The following NTAN1 variants were observed in gnomAD, a reference collection of about 807,000 sequenced individuals.
The protein encoded by NTAN1 is N-terminal asparagine amidase, also known as protein N-terminal asparagine amidohydrolase.
NTAN1 carries 32 observed loss-of-function variants against 41.9 expected under a neutral mutation model. That is an observed-to-expected ratio of 0.76 (90% CI 0.58 to 1.03). NTAN1 has a LOEUF of 1.03. Among genes scored for constraint, NTAN1 ranks in the 50% least tolerant of loss-of-function variants. The pLI is 0.00. For missense variants in NTAN1, 377 were observed against 377.5 expected (o/e 1.00, Z 0.01); for synonymous variants, 140 against 139.5 (o/e 1.00, Z -0.03).
At chr16:15,048,378 T>C (rs1008988099) in intron 1 of NTAN1, among the ~76,000 whole-genome samples, 2 of 152,120 alleles carry the variant, frequency 1.3e-5, no homozygotes, top group Non-Finnish European at 2.9e-5. Flanking sequence ...TATTATAGTT[T>C]TTTGTTTGTT....
chr16:15,042,185 C>CTTT (rs34790085), intron 5 of NTAN1, among the ~76,000 whole-genome samples: 2 of 135,576 alleles, frequency 1.5e-5, no homozygotes, highest in African/African-American at 2.7e-5. Flanking sequence ...AATTTTATAT[C>CTTT]TTTTTTTTTT....
At chr16:15,041,417 G>A (rs1453476531) in intron 6 of NTAN1, among the ~76,000 whole-genome samples, 1 of 152,086 alleles carries the variant, frequency 6.6e-6, no homozygotes, top group East Asian at 1.9e-4. Flanking sequence ...CCTGGTAGAC[G>A]AGGGGGCTGC....
At chr16:15,047,182 C>T (rs1418454007) in intron 4 of NTAN1, 11 of 506,688 alleles carry the variant, frequency 2.2e-5, no homozygotes, top group African/African-American at 7.7e-5. Flanking sequence ...GCAACCTCGA[C>T]GTTCCTGAGA....
At chr16:15,044,496 T>A (rs1299650039) in intron 4 of NTAN1, 89 bp from the exon 5 acceptor site, 1 of 858,456 alleles carries the variant, frequency 1.2e-6, no homozygotes, top group East Asian at 2.5e-5. Flanking sequence ...TCAGTTTCCA[T>A]GAACACTTGC....
At position 15,048,006 on chromosome 16, in the gene NTAN1, G is replaced by C; in HGVS notation, c.175C>G (p.Pro59Ala). ...CTGCTTCCTAACCTACCATCCTTTG[G>C]GGAGGTCACTGCAAGCTCTCTTTGC... ...VQQRELAVTS[P>A]KDGSISILGS... is the part of the protein sequence containing the mutation. Residue 59 changes from proline to alanine, a missense_variant, in exon 2 of 10, where the codon CCA becomes GCA. Pro to Ala is a conservative substitution (Grantham distance 27). Transcript: ENST00000287706. 6.2e-7 allele frequency: 1 copy of C among 1,611,202 alleles called. No homozygotes were observed. The highest frequency in any genetic ancestry group is 8.5e-7 in the Non-Finnish European group (1 of 1,177,344).
chr16:15,049,316 AC>A (rs1273103938), intron 1 of NTAN1, among the ~76,000 whole-genome samples: 1 of 152,012 alleles, frequency 6.6e-6, no homozygotes, highest in African/African-American at 2.4e-5. Context: ...TGCATAAGCC[AC>A]CATACCTGGC....
At chr16:15,046,801 C>T (rs531854180) in intron 4 of NTAN1, among the ~76,000 whole-genome samples, 64 of 150,428 alleles carry the variant, frequency 4.3e-4, no homozygotes, top group African/African-American at 1.5e-3. Context: ...CCTGAGTCCA[C>T]AAAGTCAAGG....
intron 4 of NTAN1, chr16:15,045,677 G>A (rs1304860762): frequency 6.6e-6 from 1 of 152,276 alleles, no homozygotes; most frequent in Non-Finnish European, 1.5e-5. Context: ...GAGTCACACT[G>A]CGCATTGCAC....
chr16:15,049,434 A>ATTTT (rs35440863), intron 1 of NTAN1, among the ~76,000 whole-genome samples: 2 of 146,334 alleles, frequency 1.4e-5, no homozygotes, highest in Admixed American at 6.7e-5. Flanking sequence ...CTTTTATCTT[A>ATTTT]TTTTTTTTTT....
intron 4 of NTAN1, among the ~76,000 whole-genome samples, chr16:15,047,011 A>C (rs1024182612): frequency 1.2e-4 from 18 of 152,074 alleles, no homozygotes; most frequent in African/African-American, 4.3e-4. Flanking sequence ...TCGGCTTCGG[A>C]ATACAAACAC....
At chr16:15,050,597 T>C (rs1419530261) in intron 1 of NTAN1, among the ~76,000 whole-genome samples, 1 of 152,018 alleles carries the variant, frequency 6.6e-6, no homozygotes, top group East Asian at 1.9e-4. Flanking sequence ...CTGGGTGTGG[T>C]GGCATGTGCC....
chr16:15,044,284 G>T, intron 5 of NTAN1, 50 bp downstream of exon 5: 1 of 1,252,604 alleles, frequency 8.0e-7, no homozygotes, highest in South Asian at 1.2e-5. Context: ...AGCAAATATG[G>T]GTACATATTT....
intron 1 of NTAN1, among the ~76,000 whole-genome samples, chr16:15,049,223 C>T (rs1180772994): frequency 6.6e-6 from 1 of 152,098 alleles, no homozygotes; most frequent in Non-Finnish European, 1.5e-5. Context: ...GAGATGGGGC[C>T]TCCCTATGCT....
At chr16:15,039,282 TA>T in intron 8 of NTAN1, among the ~76,000 whole-genome samples, 1 of 152,316 alleles carries the variant, frequency 6.6e-6, no homozygotes, top group Non-Finnish European at 1.5e-5. Flanking sequence ...TGAGAAGTCC[TA>T]AAAATGTTAA....
chr16:15,046,098 T>C (rs905934578), intron 4 of NTAN1: 3 of 152,264 alleles, frequency 2.0e-5, no homozygotes, highest in Non-Finnish European at 4.4e-5. Context: ...TGGCATTGAT[T>C]ACGTCCCCCT....
At chr16:15,038,797 C>G in intron 8 of NTAN1, 110 bp from the exon 9 acceptor site, 1 of 623,552 alleles carries the variant, frequency 1.6e-6, no homozygotes. Context: ...TCTGCCTAAG[C>G]TTCTTAAAAC....
intron 1 of NTAN1, among the ~76,000 whole-genome samples, chr16:15,052,067 A>G (rs2044314991): frequency 6.6e-6 from 1 of 151,968 alleles, no homozygotes; most frequent in Non-Finnish European, 1.5e-5. Flanking sequence ...GTTCCTATTC[A>G]ATGGCAGTAT....
chr16:15,056,013 C>A lies in NTAN1; in HGVS notation c.-42G>T. On this transcript the variant is annotated 5_prime_UTR_variant, in exon 1 of 10. Coordinates refer to ENST00000287706, the MANE Select transcript of NTAN1 (RefSeq NM_173474.4). The stretch of plus-strand genomic sequence containing the variant: ...CAGGCAGGCCCAGGGAGGCGGCGGC[C>A]CCCCGCTTTGCAGCCCCGGGCCGCC... 8 of 1,099,976 alleles carry A rather than the reference C, an allele frequency of 7.3e-6. No individual in the cohort carries two copies. Among genetic ancestry groups the A allele is most frequent in the African/African-American group, 1.6e-5 (1 of 60,802 alleles). 68.1% of individuals were successfully genotyped at this position (1,099,976 alleles called of 1,614,324 possible). A position where few individuals can be genotyped will look rare whatever the true frequency, so the allele number is the denominator to read the frequency against.
chr16:15,043,107 T>C (rs1233599276), intron 5 of NTAN1, among the ~76,000 whole-genome samples: 2 of 151,560 alleles, frequency 1.3e-5, no homozygotes. Context: ...TCCATGTTGG[T>C]CAGGCTGGTC....
Sources: gnomAD v4.1 joint callset for allele counts (sites outside exome capture counted in the v4.1 genomes callset) on GRCh38, gnomAD v4.1.1 for gene constraint, MANE v1.5 for transcripts, NCBI Gene and HGNC (gene_info 2026-07-23, HGNC 2026-07-21) for gene names.